Variants in CELF4 observed in about 807,000 individuals in gnomAD.
CELF4 encodes CUGBP Elav-like family member 4.
A neutral mutation model predicts 59.9 loss-of-function variants in CELF4; 18 were observed. The ratio of observed to expected loss-of-function variants is 0.30; its 90% CI spans 0.21 to 0.45. CELF4 has a LOEUF of 0.45. CELF4 is among the 20% of genes least tolerant of loss of function. The pLI, the probability that CELF4 is intolerant of heterozygous loss-of-function variation, is 1.00. For synonymous variants in CELF4, 261 were observed against 267.1 expected (o/e 0.98, Z 0.22); for missense variants, 456 against 689.0 (o/e 0.66, Z 3.79).
chr18:37,416,231 T>TATCCATCCATCC (rs72120429), intron 2 of CELF4, among the ~76,000 whole-genome samples: 1 of 151,432 alleles, frequency 6.6e-6, no homozygotes, highest in African/African-American at 2.4e-5. Flanking sequence ...TCCATTCATC[T>TATCCATCCATCC]ATCCATCCAT....
chr18:37,414,261 T>C (rs1237758362), intron 2 of CELF4, among the ~76,000 whole-genome samples: 1 of 151,956 alleles, frequency 6.6e-6, no homozygotes, highest in African/African-American at 2.4e-5. Flanking sequence ...CATTCATACT[T>C]GCATACATGC....
chr18:37,308,286 C>A (rs1341541674), intron 3 of CELF4, among the ~76,000 whole-genome samples: 1 of 150,906 alleles, frequency 6.6e-6, no homozygotes, highest in Non-Finnish European at 1.5e-5. Flanking sequence ...ACTCCTTTGC[C>A]TGGCGTTCCC....
chr18:37,393,480 T>C (rs1569568618), intron 2 of CELF4, among the ~76,000 whole-genome samples: 1 of 152,168 alleles, frequency 6.6e-6, no homozygotes, highest in Admixed American at 6.5e-5. Flanking sequence ...CTTTGGACAC[T>C]TGGGCCCAGG....
chr18:37,373,424 G>A (rs1239932646), intron 2 of CELF4, among the ~76,000 whole-genome samples: 4 of 152,220 alleles, frequency 2.6e-5, no homozygotes, highest in Non-Finnish European at 5.9e-5. Flanking sequence ...TGAGACCCTG[G>A]ACGGTGGGGC....
chr18:37,501,763 C>T (rs757388555), intron 1 of CELF4, among the ~76,000 whole-genome samples: 1 of 152,174 alleles, frequency 6.6e-6, no homozygotes, highest in African/African-American at 2.4e-5. Context: ...TTGGAGTGAA[C>T]AAGTTATGTG....
chr18:37,377,670 G>A (rs531645105), intron 2 of CELF4, among the ~76,000 whole-genome samples: 76 of 152,216 alleles, frequency 5.0e-4, no homozygotes, highest in Non-Finnish European at 1.0e-3. Context: ...TCAGGAAGAC[G>A]GGTGTGTTCC....
chr18:37,392,402 G>C (rs1201419986), intron 2 of CELF4, among the ~76,000 whole-genome samples: 1 of 152,188 alleles, frequency 6.6e-6, no homozygotes, highest in Non-Finnish European at 1.5e-5. Context: ...TGCACAGCTT[G>C]TGAAAGAAGA....
chr18:37,283,709 A>G (rs1403016662), intron 3 of CELF4, among the ~76,000 whole-genome samples: 1 of 151,932 alleles, frequency 6.6e-6, no homozygotes, highest in African/African-American at 2.4e-5. Context: ...GGCACTGGAC[A>G]TACTGCGGGA....
Position 37,418,164 on chromosome 18 carries a change from G to A in CELF4, c.369+67361C>T, listed in dbSNP as rs2099544773. Among the ~76,000 whole-genome samples the A allele has an allele frequency of 2.0e-5, 3 of 152,324 alleles. No homozygotes were observed. The South Asian group carries it at 6.2e-4, about 32-fold the overall frequency. ...CCCCACCAAGTTGGAAATCCACATG[G>A]TTGGGGAAGGTGAGCAGTCCCACTA... On this transcript the variant is annotated intron_variant, in intron 2 of 12. Transcript: ENST00000420428.
At chr18:37,300,503 G>A (rs2095951110) in intron 3 of CELF4, among the ~76,000 whole-genome samples, 1 of 152,168 alleles carries the variant, frequency 6.6e-6, no homozygotes, top group Admixed American at 6.5e-5. Flanking sequence ...GGGATTACAG[G>A]TGTGAGCCAC....
chr18:37,464,664 C>A (rs1418491393), intron 2 of CELF4, among the ~76,000 whole-genome samples: 1 of 152,074 alleles, frequency 6.6e-6, no homozygotes, highest in Admixed American at 6.6e-5. Context: ...CTCGGAGCCC[C>A]TGGCACTCTG....
intron 9 of CELF4, among the ~76,000 whole-genome samples, chr18:37,265,594 T>C (rs1170898645): frequency 6.6e-6 from 1 of 152,020 alleles, no homozygotes; most frequent in Admixed American, 6.5e-5. Context: ...GAGGACTGAG[T>C]TGGATAAACC....
At chr18:37,455,135 A>G (rs1200728126) in intron 2 of CELF4, among the ~76,000 whole-genome samples, 4 of 152,276 alleles carry the variant, frequency 2.6e-5, no homozygotes, top group Non-Finnish European at 5.9e-5. Flanking sequence ...AGAGCCTTTT[A>G]TTTCCTTAAA....
At chr18:37,347,173 G>A (rs984315310) in intron 2 of CELF4, among the ~76,000 whole-genome samples, 12 of 152,104 alleles carry the variant, frequency 7.9e-5, no homozygotes, top group African/African-American at 2.9e-4. Flanking sequence ...CCCTGAGGGT[G>A]GGAAGTCTGT....
At chr18:37,266,449 C>T (rs2077573366) in intron 9 of CELF4, 84 bp downstream of exon 9, 1 of 1,337,848 alleles carries the variant, frequency 7.5e-7, no homozygotes, top group African/African-American at 1.4e-5. Context: ...GTGCTGGCCC[C>T]AGGCCTGAGG....
intron 2 of CELF4, among the ~76,000 whole-genome samples, chr18:37,469,613 A>G (rs952881950): frequency 6.6e-6 from 1 of 152,208 alleles, no homozygotes; most frequent in African/African-American, 2.4e-5. Flanking sequence ...AGCACATCGC[A>G]TTAGCTCAGT....
At chr18:37,520,692 G>A (rs2099956330) in intron 1 of CELF4, among the ~76,000 whole-genome samples, 1 of 152,092 alleles carries the variant, frequency 6.6e-6, no homozygotes, top group Non-Finnish European at 1.5e-5. Flanking sequence ...GGCCTATGAA[G>A]GCTTGGGCAG....
At chr18:37,399,494 A>G (rs1317341321) in intron 2 of CELF4, among the ~76,000 whole-genome samples, 1 of 152,200 alleles carries the variant, frequency 6.6e-6, no homozygotes, top group East Asian at 1.9e-4. Flanking sequence ...ACTCTCAGGT[A>G]TTCTGTTATA....
intron 2 of CELF4, among the ~76,000 whole-genome samples, chr18:37,387,189 T>C (rs984569620): frequency 1.3e-5 from 2 of 152,264 alleles, no homozygotes; most frequent in Non-Finnish European, 2.9e-5. Context: ...GGCATTACTT[T>C]GTGCTGCCCC....
Sources: allele counts gnomAD v4.1 joint callset (sites outside exome capture counted in the v4.1 genomes callset), GRCh38; gene constraint gnomAD v4.1.1; transcripts MANE v1.5; gene names NCBI Gene and HGNC (gene_info 2026-07-23, HGNC 2026-07-21).